Variants in SCAF4 observed in about 807,000 individuals in gnomAD.
SCAF4 encodes the protein SR-related and CTD-associated factor 4.
SCAF4 carries 25 observed loss-of-function variants against 129.8 expected under a neutral mutation model. The ratio of observed to expected loss-of-function variants is 0.19; its 90% CI spans 0.14 to 0.27. SCAF4 has a LOEUF of 0.27. Among genes scored for constraint, SCAF4 ranks in the 10% least tolerant of loss-of-function variants. The pLI is 1.00. For synonymous variants in SCAF4, 551 were observed against 497.7 expected (o/e 1.11, Z -1.43); for missense variants, 1,246 against 1,457.1 (o/e 0.86, Z 2.36).
chr21:31,701,773 T>C lies in SCAF4; in HGVS notation c.600+3A>G. On this transcript the variant is annotated splice_donor_region_variant and intron_variant, in intron 6 of 19. Coordinates refer to ENST00000286835, the MANE Select transcript of SCAF4 (RefSeq NM_020706.2). ...CAATTTCACTTTTGAGTAGACAGTT[T>C]ACCTGTTGGCCTTGAGTTGTCTGAA... is the stretch of plus-strand genomic sequence containing the variant. The C allele has an allele frequency of 6.2e-7, 1 of 1,605,060 alleles. No homozygotes were observed. The highest frequency in any genetic ancestry group is 8.5e-7 in the Non-Finnish European group (1 of 1,177,630).
At position 31,707,014 on chromosome 21, in the gene SCAF4, T is replaced by C. The variant is rs549499943; in HGVS notation, c.31-657A>G. On this transcript the variant is annotated intron_variant, in intron 1 of 19. Transcript: ENST00000286835. Reference sequence around the variant, plus strand: ...GAATCCCAGTTCATCCCATTTTTTATGTATAAATGCTTTTTTTTAAGAGGT... The same window carrying C: ...GAATCCCAGTTCATCCCATTTTTTACGTATAAATGCTTTTTTTTAAGAGGT... 2.0e-3 allele frequency: 572 copies of C among 289,284 alleles called. 6 individuals are homozygous for C. The highest frequency in any genetic ancestry group is 4.3e-3 in the South Asian group (140 of 32,468). The allele number at this position is 289,284 out of a possible 1,614,324, so 17.9% of individuals were successfully genotyped here.
intron 1 of SCAF4, among the ~76,000 whole-genome samples, chr21:31,717,829 A>ATATATG (rs2050956420): frequency 2.4e-5 from 2 of 83,410 alleles, no homozygotes; most frequent in South Asian, 4.4e-4. Flanking sequence ...CTGCTGCCAT[A>ATATATG]TATATATATA....
Position 31,731,943 on chromosome 21 carries a change from G to A in SCAF4, c.-251C>T. On this transcript the variant is annotated 5_prime_UTR_variant, in exon 1 of 20. Coordinates refer to ENST00000286835, the MANE Select transcript of SCAF4 (RefSeq NM_020706.2). ...GGAAAAGGAGGCGGCGGCAGCGCTG[G>A]TCTTCAACATGTCCGTTTGGTGGTG... 2.0e-6 allele frequency: 1 copy of A among 488,294 alleles called. No individual in the cohort carries two copies. Among genetic ancestry groups the A allele is most frequent in the Admixed American group, 4.3e-5 (1 of 23,024 alleles). The allele number at this position is 488,294 out of a possible 1,614,324, so 30.2% of individuals were successfully genotyped here. A position where few individuals can be genotyped will look rare whatever the true frequency, so the allele number is the denominator to read the frequency against.
chr21:31,701,205 C>A (rs747376727), intron 6 of SCAF4, 34 bp from the exon 7 acceptor site: 2 of 1,501,330 alleles, frequency 1.3e-6, no homozygotes, highest in South Asian at 1.4e-5. Context: ...AATCACAGAA[C>A]AAAGTATAAT....
chr21:31,711,392 T>C (rs1037172915), intron 1 of SCAF4, among the ~76,000 whole-genome samples: 1 of 152,140 alleles, frequency 6.6e-6, no homozygotes, highest in Non-Finnish European at 1.5e-5. Flanking sequence ...GATACAGAAA[T>C]CCAGAAATTA....
intron 19 of SCAF4, among the ~76,000 whole-genome samples, chr21:31,682,197 G>A (rs2050010858): frequency 6.6e-6 from 1 of 152,110 alleles, no homozygotes; most frequent in Non-Finnish European, 1.5e-5. Context: ...TGGCCAACAT[G>A]GTGAAACCCT....
chr21:31,717,902 TATACACACACACAC>T lies in SCAF4; in HGVS notation c.31-11559_31-11546del, dbSNP rs1291500400. 4.0e-3 allele frequency among the ~76,000 whole-genome samples: 385 copies of T among 95,596 alleles called. 4 individuals are homozygous for T. Among genetic ancestry groups the T allele is most frequent in the African/African-American group, 0.014 (322 of 23,652 alleles). 62.7% of individuals were successfully genotyped at this position (95,596 alleles called of 152,430 possible). On this transcript the variant is annotated intron_variant, in intron 1 of 19. Coordinates refer to ENST00000286835, the MANE Select transcript of SCAF4 (RefSeq NM_020706.2). Reference sequence around the variant, plus strand: ...ACATATATACACATATATACACATATATACACACACACACACACACACACACACACACACACACA... The same window carrying T: ...ACATATATACACATATATACACATATACACACACACACACACACACACACA...
chr21:31,700,910 C>CA, intron 7 of SCAF4, 85 bp downstream of exon 7: 2 of 1,351,764 alleles, frequency 1.5e-6, no homozygotes, highest in Non-Finnish European at 2.1e-6. Flanking sequence ...ATGAACAATC[C>CA]ACAGAAGGGA....
At chr21:31,686,825 T>C (rs895207297) in intron 16 of SCAF4, among the ~76,000 whole-genome samples, 2 of 152,214 alleles carry the variant, frequency 1.3e-5, no homozygotes, top group African/African-American at 4.8e-5. Flanking sequence ...ATCTAACTAA[T>C]GCCTGATGAT....
chr21:31,722,878 A>G (rs1270455375), intron 1 of SCAF4, among the ~76,000 whole-genome samples: 1 of 152,222 alleles, frequency 6.6e-6, no homozygotes, highest in Non-Finnish European at 1.5e-5. Context: ...GCTTGAACCC[A>G]GGAGGCGGAG....
At chr21:31,705,582 T>C (rs1045519016) in intron 2 of SCAF4, 115 bp from the exon 3 acceptor site, 1 of 379,578 alleles carries the variant, frequency 2.6e-6, no homozygotes, top group Admixed American at 4.7e-5. Flanking sequence ...CAATACTGAA[T>C]GAACCATGAG....
intron 1 of SCAF4, among the ~76,000 whole-genome samples, chr21:31,720,990 G>C (rs577196805): frequency 1.3e-5 from 2 of 152,156 alleles, no homozygotes; most frequent in African/African-American, 4.8e-5. Flanking sequence ...CAACAGCTTT[G>C]TGATATAAAT....
intron 7 of SCAF4, among the ~76,000 whole-genome samples, chr21:31,698,243 A>T (rs2050436063): frequency 6.6e-6 from 1 of 152,224 alleles, no homozygotes; most frequent in Non-Finnish European, 1.5e-5. Context: ...AAAGTAGCTG[A>T]AACAGACAAA....
chr21:31,707,197 A>T (rs1223415131), intron 1 of SCAF4, among the ~76,000 whole-genome samples: 1 of 152,118 alleles, frequency 6.6e-6, no homozygotes, highest in African/African-American at 2.4e-5. Context: ...TACTAAATAT[A>T]CAAATATTAG....
intron 1 of SCAF4, among the ~76,000 whole-genome samples, chr21:31,726,961 G>A (rs1156470586): frequency 3.3e-5 from 5 of 152,070 alleles, no homozygotes; most frequent in African/African-American, 1.2e-4. Context: ...GTGGGAGGAG[G>A]GTTGGGGTTG....
chr21:31,716,049 C>A (rs1394925302), intron 1 of SCAF4, among the ~76,000 whole-genome samples: 1 of 152,038 alleles, frequency 6.6e-6, no homozygotes, highest in African/African-American at 2.4e-5. Flanking sequence ...CTAAAGTATG[C>A]TTTTTCCTAC....
intron 16 of SCAF4, among the ~76,000 whole-genome samples, chr21:31,685,971 G>C (rs1227894735): frequency 1.3e-5 from 2 of 152,092 alleles, no homozygotes; most frequent in Admixed American, 6.5e-5. Flanking sequence ...GGGAGGCCGA[G>C]GCAGGCGGAT....
rs78012463 is a variant in SCAF4 at position 31,683,628 on chromosome 21, C to A, written c.2488+1421G>T. On this transcript the variant is annotated intron_variant, in intron 19 of 19. Transcript: ENST00000286835. ...CATCCATGGACCTTAGATTAGGATT[C>A]ATAATCAAGGGTGTGTATGTGGGAT... Among the ~76,000 whole-genome samples the A allele has an allele frequency of 9.0e-3, 1,371 of 151,640 alleles. 23 individuals are homozygous for A. The highest frequency in any genetic ancestry group is 0.031 in the African/African-American group (1,294 of 41,282).
rs777749025 is a variant in SCAF4, at chr21:31,701,821, A to G, written c.555T>C (p.Ala185=). Residue 185 remains alanine, a synonymous_variant, in exon 6 of 20, where the codon GCT becomes GCC. Coordinates refer to ENST00000286835, the MANE Select transcript of SCAF4 (RefSeq NM_020706.2). ...PAVPQLPSSD[A]FAAVAQLFQT... ...GAAACAGCTGAGCCACAGCAGCAAA[A>G]GCATCAGAGCTGGGCAACTGTGGTA... 1 of 1,613,720 alleles carries G rather than the reference A, an allele frequency of 6.2e-7. No individual in the cohort carries two copies. The highest frequency in any genetic ancestry group is 8.5e-7 in the Non-Finnish European group (1 of 1,179,926).
Sources: gnomAD v4.1 joint callset for allele counts (sites outside exome capture counted in the v4.1 genomes callset) on GRCh38, gnomAD v4.1.1 for gene constraint, MANE v1.5 for transcripts, NCBI Gene and HGNC (gene_info 2026-07-23, HGNC 2026-07-21) for gene names.